Variants in UGT1A8 observed in about 807,000 individuals in gnomAD.
UGT1A8 encodes UDP-glucuronosyltransferase 1A8.
Under a neutral mutation model 45.3 loss-of-function variants are expected in UGT1A8, and 39 were observed. That is an observed-to-expected ratio of 0.86 (90% CI 0.67 to 1.12). The LOEUF is 1.12. UGT1A8 is among the 50% of genes most tolerant of loss of function. The pLI, the probability that UGT1A8 is intolerant of heterozygous loss-of-function variation, is 0.00. For missense variants in UGT1A8, 719 were observed against 664.9 expected (o/e 1.08, Z -0.90); for synonymous variants, 275 against 249.2 (o/e 1.10, Z -0.97).
At chr2:233,747,365 C>T (rs954513567) in intron 1 of UGT1A8, 1 of 1,604,254 alleles carries the variant, frequency 6.2e-7, no homozygotes, top group Non-Finnish European at 8.5e-7. Context: ...TGCGGGAGCT[C>T]CATGCCAGAG....
intron 1 of UGT1A8, among the ~76,000 whole-genome samples, chr2:233,655,195 CACAA>C (rs1348868100): frequency 6.6e-6 from 1 of 152,170 alleles, no homozygotes; most frequent in Non-Finnish European, 1.5e-5. Context: ...ATTACATGGT[CACAA>C]ACAGTGACTA....
At chr2:233,731,346 T>C (rs1050740292) in intron 1 of UGT1A8, among the ~76,000 whole-genome samples, 9 of 151,806 alleles carry the variant, frequency 5.9e-5, no homozygotes, top group African/African-American at 2.2e-4. Flanking sequence ...GCAGGTTTGA[T>C]ACATAGGTAT....
chr2:233,751,938 T>C (rs1430674262), intron 1 of UGT1A8, among the ~76,000 whole-genome samples: 3 of 152,190 alleles, frequency 2.0e-5, no homozygotes, highest in South Asian at 2.1e-4. Flanking sequence ...ATTGAAGTTA[T>C]ACTGAAAGGG....
At chr2:233,699,174 T>G (rs1393097702) in intron 1 of UGT1A8, among the ~76,000 whole-genome samples, 1 of 152,106 alleles carries the variant, frequency 6.6e-6, no homozygotes, top group Non-Finnish European at 1.5e-5. Context: ...GTCTCTCTGA[T>G]CCTCACTTCT....
intron 1 of UGT1A8, chr2:233,747,760 A>G: frequency 6.2e-7 from 1 of 1,613,440 alleles, no homozygotes; most frequent in South Asian, 1.1e-5. Context: ...TTAGACTTTA[A>G]GGGCACACAG....
At chr2:233,740,478 C>T (rs1295883834) in intron 1 of UGT1A8, among the ~76,000 whole-genome samples, 1 of 151,898 alleles carries the variant, frequency 6.6e-6, no homozygotes, top group African/African-American at 2.4e-5. Flanking sequence ...AAGGATCATT[C>T]CCTCTTCCAG....
At chr2:233,753,783 C>T (rs544247097) in intron 1 of UGT1A8, 5 of 152,330 alleles carry the variant, frequency 3.3e-5, no homozygotes, top group Non-Finnish European at 4.4e-5. Context: ...CTTTTCTTTA[C>T]ATTTCCAGGA....
chr2:233,687,382 A>T (rs951663704), intron 1 of UGT1A8, among the ~76,000 whole-genome samples: 1 of 152,126 alleles, frequency 6.6e-6, no homozygotes, highest in African/African-American at 2.4e-5. Context: ...AGAATTTGCA[A>T]ATTAAATATA....
intron 1 of UGT1A8, among the ~76,000 whole-genome samples, chr2:233,757,986 C>T (rs2125961594): frequency 6.6e-6 from 1 of 152,224 alleles, no homozygotes; most frequent in South Asian, 2.1e-4. Context: ...GAGCACCATC[C>T]CCTGTAATTG....
At chr2:233,677,732 A>T (rs1575422243) in intron 1 of UGT1A8, among the ~76,000 whole-genome samples, 1 of 152,294 alleles carries the variant, frequency 6.6e-6, no homozygotes, top group Middle Eastern at 3.4e-3. Flanking sequence ...CTTGGTGGGA[A>T]TGCAAATTAG....
intron 1 of UGT1A8, chr2:233,692,853 GT>G: frequency 1.4e-6 from 2 of 1,463,024 alleles, no homozygotes; most frequent in Non-Finnish European, 1.8e-6. Flanking sequence ...ATTAATTTGG[GT>G]TCTTACATAT....
At chr2:233,653,788 G>A (rs972342112) in intron 1 of UGT1A8, among the ~76,000 whole-genome samples, 6 of 152,132 alleles carry the variant, frequency 3.9e-5, no homozygotes, top group African/African-American at 1.4e-4. Flanking sequence ...GTAGACATGG[G>A]GTTTTGCCAT....
At chr2:233,741,540 A>G (rs1267633349) in intron 1 of UGT1A8, 14 of 152,000 alleles carry the variant, frequency 9.2e-5, no homozygotes. Context: ...TTATTCTGAT[A>G]CTTCTTTTAT....
chr2:233,766,850 T>C (rs1248093383), intron 1 of UGT1A8, among the ~76,000 whole-genome samples, 184 bp from the exon 2 acceptor site: 1 of 152,222 alleles, frequency 6.6e-6, no homozygotes, highest in Non-Finnish European at 1.5e-5. Flanking sequence ...CTTCCTCCTT[T>C]AGAAGGAAGT....
chr2:233,729,112 G>T, intron 1 of UGT1A8: 1 of 1,612,932 alleles, frequency 6.2e-7, no homozygotes, highest in South Asian at 1.1e-5. Context: ...TCAGCTGTCC[G>T]TGTCTTCTGC....
chr2:233,655,658 G>A (rs1264641661), intron 1 of UGT1A8, among the ~76,000 whole-genome samples: 1 of 152,152 alleles, frequency 6.6e-6, no homozygotes, highest in Non-Finnish European at 1.5e-5. Context: ...GGATATGGGG[G>A]TGGGTGATCA....
intron 1 of UGT1A8, among the ~76,000 whole-genome samples, chr2:233,680,889 C>G (rs1489073213): frequency 3.3e-5 from 5 of 151,924 alleles, no homozygotes; most frequent in Admixed American, 3.3e-4. Context: ...GGGACGGCGA[C>G]TCACCACTGC....
At position 233,767,022 on chromosome 2, in the gene UGT1A8, T is replaced by G. The variant is rs1433529256; in HGVS notation, c.856-12T>G. 2.5e-6 allele frequency: 4 copies of G among 1,613,876 alleles called. No homozygotes were observed. The African/African-American group carries it at 5.3e-5, about 22-fold the overall frequency. On this transcript the variant is annotated splice_polypyrimidine_tract_variant and intron_variant, in intron 1 of 4. Coordinates refer to ENST00000373450, the MANE Select transcript of UGT1A8 (RefSeq NM_019076.5). Reference sequence around the variant, plus strand: ...AGAAAAAATTAACTGAAAATTTTTCTTCTGGCTCTAGGAATTTGAAGCCTA... The same window carrying G: ...AGAAAAAATTAACTGAAAATTTTTCGTCTGGCTCTAGGAATTTGAAGCCTA...
Position 233,728,007 on chromosome 2 carries a change from C to A in UGT1A8, c.856-39027C>A, listed in dbSNP as rs149726573. ...GGCATCAGCAATCTTGTGAGCACAG[C>A]ACATGTGGGAGTGACTTTCTGGAGT... On this transcript the variant is annotated intron_variant, in intron 1 of 4. Transcript: ENST00000373450. Among the ~76,000 whole-genome samples the A allele has an allele frequency of 4.5e-3, 686 of 152,336 alleles. 5 individuals carry two copies. Among genetic ancestry groups the A allele is most frequent in the African/African-American group, 0.016 (647 of 41,580 alleles).
Sources: gnomAD v4.1 joint callset for allele counts (sites outside exome capture counted in the v4.1 genomes callset) on GRCh38, gnomAD v4.1.1 for gene constraint, MANE v1.5 for transcripts, NCBI Gene and HGNC (gene_info 2026-07-23, HGNC 2026-07-21) for gene names.